The following PSG8 variants were observed in gnomAD, a reference collection of about 807,000 sequenced individuals.
The protein encoded by PSG8 is pregnancy specific beta-1-glycoprotein 8.
PSG8 carries 57 observed loss-of-function variants against 42.5 expected under a neutral mutation model. That is an observed-to-expected ratio of 1.34 (90% confidence interval 1.08 to 1.67). The LOEUF (loss-of-function observed/expected upper bound fraction) is 1.67, where lower values mean the gene tolerates loss of function less well. Among genes scored for constraint, PSG8 ranks in the 40% most tolerant of loss-of-function variants. The pLI is 0.00. For synonymous variants in PSG8, 280 were observed against 196.8 expected (o/e 1.42, Z -3.54); for missense variants, 783 against 518.6 (o/e 1.51, Z -4.95).
intron 2 of PSG8, 128 bp downstream of exon 2, chr19:42,763,788 C>T (rs1970136440): frequency 1.3e-5 from 20 of 1,546,690 alleles, no homozygotes; most frequent in East Asian, 9.0e-5. Context: ...GCACTAAATG[C>T]CCAAACCCCA....
downstream of PSG8, chr19:42,753,149 A>G (rs1969822843): frequency 4.3e-6 from 3 of 695,856 alleles, no homozygotes; most frequent in Non-Finnish European, 7.9e-6. Flanking sequence ...GAAGTCATCC[A>G]CTTGTTGTCC....
At chr19:42,754,131 G>T (rs73547155), downstream of PSG8, 8,127 of 1,359,526 alleles carry the variant, frequency 6.0e-3, 389 homozygotes, top group African/African-American at 0.11. Flanking sequence ...GGTCTAGGCT[G>T]GGAATTTTAT....
In PSG8 at chr19:42,755,120, C is replaced by G; in HGVS notation, c.856G>C (p.Val286Leu). ...NGQSLPVSPR[V>L]KRPIENRILI... ...ATCCTGTTTTCAATGGGTCGCTTTA[C>G]CCTGGGACTGACCGGGAGGCTCTGA... Residue 286 changes from valine (V) to leucine (L), a missense_variant, in exon 4 of 5, where the codon GTA becomes CTA. Val to Leu is a conservative substitution (Grantham distance 32). Coordinates refer to ENST00000306511, the MANE Select transcript of PSG8 (RefSeq NM_182707.3). The G allele has an allele frequency of 6.2e-7, 1 of 1,611,906 alleles. No homozygotes were observed. The highest frequency in any genetic ancestry group is 2.2e-5 in the East Asian group (1 of 44,876).
At chr19:42,754,708 C>A (rs1969871848) in intron 4 of PSG8, 121 bp from the exon 5 acceptor site, 1 of 1,334,836 alleles carries the variant, frequency 7.5e-7, no homozygotes, top group Non-Finnish European at 1.0e-6. Flanking sequence ...CAGCCCAACC[C>A]CCTCTATGTT....
downstream of PSG8, chr19:42,753,028 A>G (rs1166685804): frequency 7.2e-6 from 4 of 558,746 alleles, no homozygotes; most frequent in Non-Finnish European, 1.3e-5. Context: ...TGACTGCATT[A>G]TCCTGCCAAG....
chr19:42,760,539 G>A (rs527740631), intron 2 of PSG8, among the ~76,000 whole-genome samples: 1 of 152,074 alleles, frequency 6.6e-6, no homozygotes, highest in Non-Finnish European at 1.5e-5. Flanking sequence ...CCTCAGCTGT[G>A]TGCAGTCTAC....
downstream of PSG8, chr19:42,754,153 C>T (rs564046043): frequency 6.9e-7 from 1 of 1,450,112 alleles, no homozygotes; most frequent in African/African-American, 1.4e-5. Flanking sequence ...AAGATATCAG[C>T]CTGTTTGTTA....
At chr19:42,754,890 T>C (rs1355122226) in intron 4 of PSG8, 98 bp downstream of exon 4, 4 of 1,565,780 alleles carry the variant, frequency 2.6e-6, no homozygotes, top group Middle Eastern at 2.3e-4. Flanking sequence ...GAAGTGAAGG[T>C]GTCTATACTT....
intron 2 of PSG8, among the ~76,000 whole-genome samples, chr19:42,759,485 T>C (rs979591673): frequency 2.0e-5 from 3 of 152,202 alleles, no homozygotes; most frequent in African/African-American, 7.2e-5. Flanking sequence ...TAATTTTTTT[T>C]TGTTTTGGAA....
At chr19:42,763,746 C>A (rs921153815) in intron 2 of PSG8, 170 bp downstream of exon 2, 47 of 1,305,410 alleles carry the variant, frequency 3.6e-5, no homozygotes, top group Non-Finnish European at 5.0e-5. Context: ...GAATTCTGAT[C>A]TGTTGAAATT....
Position 42,759,845 on chromosome 19 carries a change from A to C in PSG8, c.431-1565T>G, listed in dbSNP as rs550662100. On this transcript the variant is annotated intron_variant, in intron 2 of 4. Coordinates refer to ENST00000306511, the MANE Select transcript of PSG8 (RefSeq NM_182707.3). The stretch of plus-strand genomic sequence containing the variant: ...TTCTCTTGAGACCAACATAAGGTTT[A>C]GGTGTGCCATGAATTCCAGCAGGAT... 2.6e-5 allele frequency among the ~76,000 whole-genome samples: 4 copies of C among 152,318 alleles called. No homozygotes were observed. The East Asian group carries it at 7.7e-4, about 29-fold the overall frequency.
chr19:42,758,255 G>C lies in PSG8; in HGVS notation c.456C>G (p.Ser152=). The C allele has an allele frequency of 6.2e-7, 1 of 1,613,990 alleles. No homozygotes were observed. The highest frequency in any genetic ancestry group is 1.1e-5 in the South Asian group (1 of 91,062). The stretch of plus-strand genomic sequence containing the variant: ...CCTCCCTGGGGTTTAATTTGCTGCT[G>C]GAGATGGAGGGCTTGGGAGTCTCCA... ...LYLETPKPSI[S]SSKLNPREAM... Residue 152 remains serine (S), a synonymous_variant, in exon 3 of 5, where the codon TCC becomes TCG. Coordinates refer to ENST00000306511, the MANE Select transcript of PSG8 (RefSeq NM_182707.3).
rs569073584 is a variant in PSG8, at chr19:42,765,620, G to A, written c.-39C>T. On this transcript the variant is annotated 5_prime_UTR_variant, in exon 1 of 5. Coordinates refer to ENST00000306511, the MANE Select transcript of PSG8 (RefSeq NM_182707.3). The stretch of plus-strand genomic sequence containing the variant: ...TGTGTGTTCTCCTCTGTGGAGATGA[G>A]CCTAGGATCCAGAAGCTTCCTGAGC... 5.6e-6 allele frequency: 9 copies of A among 1,603,402 alleles called. No homozygotes were observed. In the African/African-American group the frequency reaches 6.8e-5, roughly 12 times the overall value.
At chr19:42,757,877 G>C in intron 3 of PSG8, 125 bp downstream of exon 3, 1 of 1,603,740 alleles carries the variant, frequency 6.2e-7, no homozygotes, top group South Asian at 1.1e-5. Context: ...GAAAGTCATG[G>C]CCAGGTTTGA....
chr19:42,763,130 G>C (rs766125608), intron 2 of PSG8, among the ~76,000 whole-genome samples: 3 of 152,160 alleles, frequency 2.0e-5, no homozygotes, highest in Non-Finnish European at 2.9e-5. Context: ...CACACAAATA[G>C]CATTTATTAT....
chr19:42,761,815 C>G (rs1192498059), intron 2 of PSG8, among the ~76,000 whole-genome samples: 9 of 125,212 alleles, frequency 7.2e-5, no homozygotes, highest in Non-Finnish European at 1.2e-4. Context: ...ACCAACATTT[C>G]AATAATTTTT....
chr19:42,755,176 T>C lies in PSG8; in HGVS notation c.800A>G (p.Glu267Gly). Reference protein sequence around the residue: ...VLNFTCEPKSENYTYIWWLNG... With the variant: ...VLNFTCEPKSGNYTYIWWLNG... ...TAGCCACCAAATGTAGGTGTAGTTCTCACTCTTAGGTTCACAGGTGAAGTT... is the reference window on the plus strand; with the variant it reads ...TAGCCACCAAATGTAGGTGTAGTTCCCACTCTTAGGTTCACAGGTGAAGTT... The change falls in exon 4 of 5, where the codon GAG (glutamate) becomes GGG (glycine). Residue 267 changes from glutamate (E) to glycine (G), a missense_variant. Physicochemically the swap from Glu to Gly is moderately conservative, Grantham distance 98 (BLOSUM62 -2). Transcript: ENST00000306511. The C allele has an allele frequency of 6.8e-6, 11 of 1,611,954 alleles. No homozygotes were observed. Among genetic ancestry groups the C allele is most frequent in the Non-Finnish European group, 9.3e-6 (11 of 1,179,796 alleles).
At position 42,761,068 on chromosome 19, in the gene PSG8, C is replaced by T. The variant is rs192277442; in HGVS notation, c.431-2788G>A. Among the ~76,000 whole-genome samples, 528 of 152,020 alleles carry T rather than the reference C, an allele frequency of 3.5e-3. 4 individuals carry two copies. The highest frequency in any genetic ancestry group is 5.3e-3 in the Non-Finnish European group (358 of 67,948). ...GTCATGGGCGAAATGAGCCCATGGG[C>T]TTTGGGGACTGCAGGCCTGTCCAGC... On this transcript the variant is annotated intron_variant, in intron 2 of 4. Transcript: ENST00000306511.
intron 2 of PSG8, 114 bp from the exon 3 acceptor site, chr19:42,758,394 G>T: frequency 6.5e-7 from 1 of 1,529,164 alleles, no homozygotes; most frequent in Non-Finnish European, 8.8e-7. Context: ...GTCCTTAAAA[G>T]CCCATGGCAG....
Sources: allele counts gnomAD v4.1 joint callset (sites outside exome capture counted in the v4.1 genomes callset), GRCh38; gene constraint gnomAD v4.1.1; transcripts MANE v1.5; gene names NCBI Gene and HGNC (gene_info 2026-07-23, HGNC 2026-07-21).